Variants in KPNA7 observed in about 807,000 individuals in gnomAD.
The protein encoded by KPNA7 is karyopherin subunit alpha 7, also known as importin subunit alpha-8.
In KPNA7, 54 loss-of-function variants were observed where a neutral mutation model predicts 53.7. The ratio of observed to expected loss-of-function variants is 1.01; its 90% CI spans 0.81 to 1.26. The LOEUF (loss-of-function observed/expected upper bound fraction) is 1.26, where lower values mean the gene tolerates loss of function less well. KPNA7 is among the 50% of genes most tolerant of loss of function. The pLI, the probability that KPNA7 is intolerant of heterozygous loss-of-function variation, is 0.00. For synonymous variants in KPNA7, 276 were observed against 259.3 expected (o/e 1.06, Z -0.62); for missense variants, 640 against 644.5 (o/e 0.99, Z 0.07).
chr7:99,183,613 T>C (rs1789399634), intron 8 of KPNA7, among the ~76,000 whole-genome samples: 1 of 152,118 alleles, frequency 6.6e-6, no homozygotes, highest in Non-Finnish European at 1.5e-5. Context: ...TAGCTTGTCA[T>C]ACCTGGTGCA....
chr7:99,147,475 T>C, the KPNA7 span, among the ~76,000 whole-genome samples: 1 of 152,200 alleles, frequency 6.6e-6, no homozygotes, highest in African/African-American at 2.4e-5. Flanking sequence ...GTATACTCTA[T>C]CCATACAACT....
chr7:99,177,351 G>A (rs979131763), intron 10 of KPNA7, among the ~76,000 whole-genome samples: 12 of 152,260 alleles, frequency 7.9e-5, no homozygotes, highest in South Asian at 4.1e-4. Context: ...ATTACGCCAA[G>A]GCGGGTGGAT....
At chr7:99,152,009 C>T in the KPNA7 span, among the ~76,000 whole-genome samples, 26 of 152,018 alleles carry the variant, frequency 1.7e-4, no homozygotes, top group Admixed American at 2.0e-4. Context: ...ACGGTGAAAG[C>T]CCATCTCTAC....
intron 2 of KPNA7, among the ~76,000 whole-genome samples, chr7:99,206,633 C>T (rs1487581121): frequency 1.3e-5 from 2 of 151,806 alleles, no homozygotes; most frequent in East Asian, 1.9e-4. Context: ...CACACCTGGC[C>T]GATTTTTTGT....
chr7:99,165,281 C>T, the KPNA7 span, among the ~76,000 whole-genome samples: 1 of 148,066 alleles, frequency 6.8e-6, no homozygotes, highest in South Asian at 2.1e-4. Context: ...GCTTGGGCGA[C>T]AGAGCGAGGC....
At chr7:99,160,017 GTTTTT>G in the KPNA7 span, among the ~76,000 whole-genome samples, 4 of 67,664 alleles carry the variant, frequency 5.9e-5, no homozygotes, top group Non-Finnish European at 8.3e-5. Flanking sequence ...TGTTGTTTTT[GTTTTT>G]TTTTTTTTTT....
intron 5 of KPNA7, among the ~76,000 whole-genome samples, chr7:99,193,650 T>G (rs1301253654): frequency 1.3e-5 from 2 of 151,914 alleles, no homozygotes; most frequent in Non-Finnish European, 2.9e-5. Context: ...AATAGGCACT[T>G]TTTCCTCCTG....
chr7:99,151,433 A>G, the KPNA7 span, among the ~76,000 whole-genome samples: 1 of 150,182 alleles, frequency 6.7e-6, no homozygotes, highest in Non-Finnish European at 1.5e-5. Flanking sequence ...AATAGTAAGC[A>G]AACTGTTTTG....
upstream of KPNA7, among the ~76,000 whole-genome samples, chr7:99,212,427 C>CT (rs1247611150): frequency 3.3e-5 from 5 of 151,090 alleles, no homozygotes; most frequent in East Asian, 1.9e-4. Context: ...TATTTTTTTT[C>CT]TTTTTTTGGT....
At chr7:99,157,932 A>T in the KPNA7 span, among the ~76,000 whole-genome samples, 1 of 151,536 alleles carries the variant, frequency 6.6e-6, no homozygotes, top group Non-Finnish European at 1.5e-5. Context: ...GTGCTACCAC[A>T]CCTGGCTAAT....
intron 3 of KPNA7, among the ~76,000 whole-genome samples, chr7:99,200,521 G>A (rs1407867804): frequency 2.0e-5 from 3 of 152,146 alleles, no homozygotes; most frequent in Non-Finnish European, 2.9e-5. Context: ...GGGGTGCCAC[G>A]ATACAGCCTA....
chr7:99,147,664 G>T, the KPNA7 span, among the ~76,000 whole-genome samples: 2 of 152,084 alleles, frequency 1.3e-5, no homozygotes, highest in African/African-American at 4.8e-5. Flanking sequence ...AGTGGCAGGC[G>T]CCTGTAATCC....
chr7:99,164,840 G>GT, the KPNA7 span, among the ~76,000 whole-genome samples: 1 of 152,200 alleles, frequency 6.6e-6, no homozygotes, highest in Admixed American at 6.5e-5. Flanking sequence ...GCTCACGCCT[G>GT]TAATCCCAGC....
chr7:99,171,449 C>T (rs889668809), downstream of KPNA7, among the ~76,000 whole-genome samples: 6 of 151,484 alleles, frequency 4.0e-5, no homozygotes, highest in Admixed American at 3.3e-4. Flanking sequence ...CTCATGCGAT[C>T]GTTTGTTTTG....
chr7:99,192,249 T>A (rs530532747), intron 6 of KPNA7, among the ~76,000 whole-genome samples: 2 of 152,176 alleles, frequency 1.3e-5, no homozygotes, highest in Non-Finnish European at 2.9e-5. Flanking sequence ...CAGGCATATA[T>A]GCTAAACTGT....
chr7:99,182,488 C>A (rs181763594), intron 8 of KPNA7, among the ~76,000 whole-genome samples: 13 of 152,276 alleles, frequency 8.5e-5, no homozygotes, highest in Non-Finnish European at 1.9e-4. Context: ...GCACTCACCA[C>A]CATACCCAGC....
At chr7:99,164,948 G>A in the KPNA7 span, among the ~76,000 whole-genome samples, 1 of 149,334 alleles carries the variant, frequency 6.7e-6, no homozygotes, top group Non-Finnish European at 1.5e-5. Flanking sequence ...AATACAAAAA[G>A]TAGCCGGGTA....
the KPNA7 span, among the ~76,000 whole-genome samples, chr7:99,151,058 T>C: frequency 3.3e-5 from 5 of 152,224 alleles, no homozygotes; most frequent in African/African-American, 9.6e-5. Flanking sequence ...ATTTGAGGTT[T>C]AACGGCATCC....
chr7:99,166,331 ACTT>A, the KPNA7 span, among the ~76,000 whole-genome samples: 1,789 of 151,784 alleles, frequency 0.012, 34 homozygotes, highest in African/African-American at 0.041. Flanking sequence ...CTTCCTCGTT[ACTT>A]TTTTTGAGAT....
Sources: gnomAD v4.1 joint callset for allele counts (sites outside exome capture counted in the v4.1 genomes callset) on GRCh38, gnomAD v4.1.1 for gene constraint, MANE v1.5 for transcripts, NCBI Gene and HGNC (gene_info 2026-07-23, HGNC 2026-07-21) for gene names.